Variants in POLR3C observed in about 807,000 individuals in gnomAD.
POLR3C encodes the protein DNA-directed RNA polymerase III subunit RPC3.
POLR3C carries 44 observed loss-of-function variants against 65.9 expected under a neutral mutation model. The observed-to-expected ratio is 0.67, with a 90% confidence interval of 0.52 to 0.86. POLR3C has a LOEUF of 0.86. POLR3C is among the 40% of genes least tolerant of loss of function. The pLI is 0.00. For synonymous variants in POLR3C, 263 were observed against 231.6 expected (o/e 1.14, Z -1.23); for missense variants, 576 against 653.2 (o/e 0.88, Z 1.29).
rs1652477025 is a variant in POLR3C, at chr1:145,843,959, A to G, written c.*1539A>G. Reference sequence around the variant, plus strand: ...TCACTAATCAGAGAAATGGAAATCAAAATCAATGAGATAACATCTCACCCC... The same window carrying G: ...TCACTAATCAGAGAAATGGAAATCAGAATCAATGAGATAACATCTCACCCC... On this transcript the variant is annotated 3_prime_UTR_variant, in exon 15 of 15. Coordinates refer to ENST00000334163, the MANE Select transcript of POLR3C (RefSeq NM_006468.8). 6.6e-6 allele frequency among the ~76,000 whole-genome samples: 1 copy of G among 152,236 alleles called. No individual in the cohort carries two copies. The highest frequency in any genetic ancestry group is 1.9e-4 in the East Asian group (1 of 5,206).
intron 7 of POLR3C, among the ~76,000 whole-genome samples, chr1:145,834,668 T>C (rs587716108): frequency 1.3e-3 from 199 of 151,984 alleles, no homozygotes; most frequent in Non-Finnish European, 2.3e-3. Flanking sequence ...ATGTGAGTAA[T>C]GTGTTTCACA....
Position 145,842,372 on chromosome 1 carries a change from C to T in POLR3C, c.1557C>T (p.Thr519=). 1 of 1,611,916 alleles carries T rather than the reference C, an allele frequency of 6.2e-7. No individual in the cohort carries two copies. The highest frequency in any genetic ancestry group is 8.5e-7 in the Non-Finnish European group (1 of 1,178,608). Residue 519 remains threonine (T), a synonymous_variant, in exon 15 of 15, where the codon ACC becomes ACT. Coordinates refer to ENST00000334163, the MANE Select transcript of POLR3C (RefSeq NM_006468.8). ...CCAGTGAGATCCAGGTGGACGAAACCATCTTCCTGCTGGAGTCTTACATTG... is the reference window on the plus strand; with the variant it reads ...CCAGTGAGATCCAGGTGGACGAAACTATCTTCCTGCTGGAGTCTTACATTG... ...LDASEIQVDE[T]IFLLESYIEC...
At chr1:145,832,820 G>A (rs1319192284) in intron 5 of POLR3C, among the ~76,000 whole-genome samples, 2 of 152,042 alleles carry the variant, frequency 1.3e-5, no homozygotes, top group African/African-American at 2.4e-5. Context: ...TCAGGAGTTC[G>A]AGACCAGCCT....
At chr1:145,840,194 A>G (rs1210739530) in intron 13 of POLR3C, 29 bp downstream of exon 13, 2 of 1,413,786 alleles carry the variant, frequency 1.4e-6, no homozygotes, top group Admixed American at 1.7e-5. Flanking sequence ...TGAGTTATTT[A>G]CATCTTTCAA....
At chr1:145,840,901 A>T in intron 13 of POLR3C, 21 bp from the exon 14 acceptor site, 1 of 1,604,756 alleles carries the variant, frequency 6.2e-7, no homozygotes, top group Non-Finnish European at 8.5e-7. Context: ...AAGATGTCTC[A>T]GAGTTGTGTT....
chr1:145,824,672 C>T (rs1325332973), intron 1 of POLR3C: 1 of 477,296 alleles, frequency 2.1e-6, no homozygotes, highest in African/African-American at 2.0e-5. Flanking sequence ...ATAAAATTAA[C>T]TACGTCCGTT....
rs1274434782 is a variant in POLR3C, at chr1:145,843,385, A to G, written c.*965A>G. On this transcript the variant is annotated 3_prime_UTR_variant, in exon 15 of 15. Transcript: ENST00000334163. ...ATTTAAAGCAGTTAGATGTTTTATA[A>G]TATCTTCAGTTTTCTCTCACCAATG... Among the ~76,000 whole-genome samples, 13 of 152,020 alleles carry G rather than the reference A, an allele frequency of 8.6e-5. No individual in the cohort carries two copies. Among genetic ancestry groups the G allele is most frequent in the African/African-American group, 2.2e-4 (9 of 41,258 alleles).
chr1:145,830,873 G>A (rs1383649068), intron 5 of POLR3C, among the ~76,000 whole-genome samples: 5 of 151,912 alleles, frequency 3.3e-5, no homozygotes, highest in East Asian at 1.9e-4. Flanking sequence ...GGAGGCTGAC[G>A]TAGAAGAATC....
At chr1:145,841,178 C>A in intron 14 of POLR3C, 107 bp downstream of exon 14, 2 of 839,196 alleles carry the variant, frequency 2.4e-6, no homozygotes, top group Middle Eastern at 2.3e-4. Context: ...AACTCACTGT[C>A]TCCTCCAGCT....
intron 13 of POLR3C, among the ~76,000 whole-genome samples, 175 bp from the exon 14 acceptor site, chr1:145,840,747 A>G (rs1553730272): frequency 6.6e-6 from 1 of 152,210 alleles, no homozygotes; most frequent in East Asian, 1.9e-4. Context: ...GGCAATAAGA[A>G]TTTCAGGAGT....
At chr1:145,825,211 C>T (rs1553725457) in intron 1 of POLR3C, among the ~76,000 whole-genome samples, 1 of 151,958 alleles carries the variant, frequency 6.6e-6, no homozygotes, top group Non-Finnish European at 1.5e-5. Context: ...CGGCTTCAAG[C>T]GATTCTCCTG....
At chr1:145,837,321 T>C (rs1651932392) in intron 9 of POLR3C, among the ~76,000 whole-genome samples, 1 of 152,176 alleles carries the variant, frequency 6.6e-6, no homozygotes, top group South Asian at 2.1e-4. Flanking sequence ...AAAAGGACTT[T>C]TAATCAACCA....
chr1:145,832,999 G>T (rs9662861), intron 5 of POLR3C, among the ~76,000 whole-genome samples: 2,552 of 152,230 alleles, frequency 0.017, 69 homozygotes, highest in African/African-American at 0.058. Flanking sequence ...TCCAGCCTGG[G>T]TGACGAGCAA....
intron 1 of POLR3C, among the ~76,000 whole-genome samples, chr1:145,825,030 T>C (rs1650591273): frequency 6.6e-6 from 1 of 152,154 alleles, no homozygotes; most frequent in Admixed American, 6.5e-5. Context: ...CATACATTTT[T>C]CCTTTTTTTT....
rs781787596 is a variant in POLR3C at position 145,826,421 on chromosome 1, TTCCTC to T, written c.148-30_148-26del. ...AGTAATGAGCTATATCTTCAGGTCT[TTCCTC>T]TCTTTCTTCTCTTTATGTTCCATTT... On this transcript the variant is annotated intron_variant, in intron 2 of 14. Coordinates refer to ENST00000334163, the MANE Select transcript of POLR3C (RefSeq NM_006468.8). 8 of 1,605,428 alleles carry T rather than the reference TTCCTC, an allele frequency of 5.0e-6. No homozygotes were observed. In the African/African-American group the frequency reaches 1.1e-4, roughly 21 times the overall value.
At chr1:145,837,492 C>G in intron 9 of POLR3C, 44 bp from the exon 10 acceptor site, 1 of 1,034,686 alleles carries the variant, frequency 9.7e-7, no homozygotes, top group Non-Finnish European at 1.4e-6. Flanking sequence ...ATCACAATAA[C>G]TAGGCCAAAA....
At chr1:145,825,294 G>A (rs587683401) in intron 1 of POLR3C, among the ~76,000 whole-genome samples, 2 of 152,104 alleles carry the variant, frequency 1.3e-5, no homozygotes, top group South Asian at 4.1e-4. Flanking sequence ...TGTGTTTTTA[G>A]TAGAGAAGGG....
rs9728311 is a variant in POLR3C, at chr1:145,837,994, A to G, written c.1071-62A>G. On this transcript the variant is annotated intron_variant, in intron 10 of 14. Coordinates refer to ENST00000334163, the MANE Select transcript of POLR3C (RefSeq NM_006468.8). ...ATGGAATAGAACAACCACCCCATCTATGACTGGGAACTAAAGCTGATCTAT... is the reference window on the plus strand; with the variant it reads ...ATGGAATAGAACAACCACCCCATCTGTGACTGGGAACTAAAGCTGATCTAT... 10,578 of 1,490,738 alleles carry G rather than the reference A, an allele frequency of 7.1e-3. 634 individuals are homozygous for G. In the African/African-American group the frequency reaches 0.13, roughly 18 times the overall value. 92.3% of individuals were successfully genotyped at this position (1,490,738 alleles called of 1,614,324 possible).
At chr1:145,834,165 C>T (rs587683356) in intron 7 of POLR3C, among the ~76,000 whole-genome samples, 1 of 152,226 alleles carries the variant, frequency 6.6e-6, no homozygotes, top group African/African-American at 2.4e-5. Context: ...GCAGTTGTAA[C>T]GCAGTAGCAT....
Sources: gnomAD v4.1 joint callset for allele counts (sites outside exome capture counted in the v4.1 genomes callset) on GRCh38, gnomAD v4.1.1 for gene constraint, MANE v1.5 for transcripts, NCBI Gene and HGNC (gene_info 2026-07-23, HGNC 2026-07-21) for gene names.